The following E2F6 variants were observed in gnomAD, a reference collection of about 807,000 sequenced individuals.
E2F6 encodes transcription factor E2F6.
Under a neutral mutation model 31.5 loss-of-function variants are expected in E2F6, and 19 were observed. That is an observed-to-expected ratio of 0.60 (90% CI 0.42 to 0.89). E2F6 has a LOEUF of 0.89. Among genes scored for constraint, E2F6 ranks in the 40% least tolerant of loss-of-function variants. The pLI is 0.00. For synonymous variants in E2F6, 121 were observed against 127.7 expected (o/e 0.95, Z 0.36); for missense variants, 269 against 341.6 (o/e 0.79, Z 1.67).
chr2:11,461,863 GCAAC>G (rs1454546000), intron 1 of E2F6, among the ~76,000 whole-genome samples: 1 of 152,178 alleles, frequency 6.6e-6, no homozygotes, highest in African/African-American at 2.4e-5. Context: ...GACAATAGGA[GCAAC>G]CAACCAATGT....
intron 1 of E2F6, among the ~76,000 whole-genome samples, chr2:11,460,053 C>A (rs958712556): frequency 9.2e-5 from 14 of 152,040 alleles, no homozygotes; most frequent in African/African-American, 3.4e-4. Context: ...CATATTTTTT[C>A]AAATTCCAAG....
chr2:11,453,579 C>G lies in E2F6; in HGVS notation c.380+3G>C. On this transcript the variant is annotated splice_donor_region_variant and intron_variant, in intron 3 of 6. Transcript: ENST00000381525. The stretch of plus-strand genomic sequence containing the variant: ...GCCACGAAAAAGTTTGAAAGCAACT[C>G]ACATCCATCTAATATGGTTCTTGGA... The G allele has an allele frequency of 6.2e-7, 1 of 1,613,312 alleles. No individual in the cohort carries two copies. Among genetic ancestry groups the G allele is most frequent in the Non-Finnish European group, 8.5e-7 (1 of 1,179,658 alleles).
chr2:11,461,319 T>C (rs919487524), intron 1 of E2F6, among the ~76,000 whole-genome samples: 3 of 152,186 alleles, frequency 2.0e-5, no homozygotes, highest in Non-Finnish European at 4.4e-5. Flanking sequence ...GTAGATGCTC[T>C]GTGAGGCTAA....
At chr2:11,465,565 A>G (rs1374489842) in intron 1 of E2F6, among the ~76,000 whole-genome samples, 4 of 152,242 alleles carry the variant, frequency 2.6e-5, no homozygotes, top group Non-Finnish European at 5.9e-5. Flanking sequence ...GTTCCGATGT[A>G]AAAGCCTAGA....
At chr2:11,459,609 G>A (rs1482299185) in intron 1 of E2F6, among the ~76,000 whole-genome samples, 1 of 152,130 alleles carries the variant, frequency 6.6e-6, no homozygotes, top group African/African-American at 2.4e-5. Flanking sequence ...TCCAGGCGCG[G>A]TGGCTCATGC....
chr2:11,449,380 G>A (rs1178973616), intron 5 of E2F6, among the ~76,000 whole-genome samples: 1 of 152,168 alleles, frequency 6.6e-6, no homozygotes, highest in Non-Finnish European at 1.5e-5. Context: ...GAGCACCGAT[G>A]GGTCTATCAA....
chr2:11,464,021 G>A (rs985219689), intron 1 of E2F6, among the ~76,000 whole-genome samples: 1 of 148,944 alleles, frequency 6.7e-6, no homozygotes. Context: ...AGGACAAGGA[G>A]AAGCCAGAGA....
chr2:11,458,353 T>C (rs1671543899), intron 1 of E2F6: 1 of 1,551,600 alleles, frequency 6.4e-7, no homozygotes, highest in African/African-American at 1.4e-5. Flanking sequence ...AATAAACAAC[T>C]GTGGGGAGAG....
intron 1 of E2F6, among the ~76,000 whole-genome samples, chr2:11,459,870 C>T (rs1036253351): frequency 6.8e-6 from 1 of 146,964 alleles, no homozygotes; most frequent in African/African-American, 2.4e-5. Flanking sequence ...GATGACGGTG[C>T]GAGACTCCGT....
At chr2:11,465,181 A>C (rs1222804929) in intron 1 of E2F6, among the ~76,000 whole-genome samples, 1 of 146,014 alleles carries the variant, frequency 6.8e-6, no homozygotes, top group Non-Finnish European at 1.5e-5. Flanking sequence ...TCAATCTCAA[A>C]AAAAAAAAAA....
At chr2:11,462,462 T>C (rs1216433782) in intron 1 of E2F6, among the ~76,000 whole-genome samples, 2 of 152,248 alleles carry the variant, frequency 1.3e-5, no homozygotes, top group African/African-American at 4.8e-5. Context: ...TCTCAAAATA[T>C]CTTATACTGT....
Position 11,466,134 on chromosome 2 carries a change from C to T in E2F6, c.-255G>A, listed in dbSNP as rs908083721. ...CCCGCGGATCTCAAGTCGCCCGGCCCGCCATCTTCCCGCATGCGCAGTACA... is the reference window on the plus strand; with the variant it reads ...CCCGCGGATCTCAAGTCGCCCGGCCTGCCATCTTCCCGCATGCGCAGTACA... On this transcript the variant is annotated 5_prime_UTR_variant, in exon 1 of 7. Coordinates refer to ENST00000381525, the MANE Select transcript of E2F6 (RefSeq NM_198256.4). 8.7e-6 allele frequency: 4 copies of T among 459,428 alleles called. No homozygotes were observed. Among genetic ancestry groups the T allele is most frequent in the South Asian group, 3.1e-5 (1 of 31,890 alleles). The allele number at this position is 459,428 out of a possible 1,614,324, so 28.5% of individuals were successfully genotyped here.
At position 11,449,992 on chromosome 2, in the gene E2F6, A is replaced by T. The variant is rs935102017; in HGVS notation, c.651+20T>A. ...CCCTCATCCCTCTTTAAATCTTTTT[A>T]AAAATGCAGGGTTACCTACTTCTCT... On this transcript the variant is annotated intron_variant, in intron 5 of 6. Coordinates refer to ENST00000381525, the MANE Select transcript of E2F6 (RefSeq NM_198256.4). The T allele has an allele frequency of 1.3e-6, 2 of 1,583,620 alleles. No individual in the cohort carries two copies. The highest frequency in any genetic ancestry group is 1.7e-6 in the Non-Finnish European group (2 of 1,155,526).
At chr2:11,457,355 G>A in intron 1 of E2F6, 122 bp from the exon 2 acceptor site, 1 of 658,808 alleles carries the variant, frequency 1.5e-6, no homozygotes, top group Admixed American at 2.7e-5. Context: ...GCTGGGCAGA[G>A]GCTCACGCCT....
chr2:11,466,100 G>A lies in E2F6; in HGVS notation c.-221C>T. 4.0e-6 allele frequency: 2 copies of A among 502,456 alleles called. No homozygotes were observed. Among genetic ancestry groups the A allele is most frequent in the South Asian group, 2.8e-5 (1 of 35,406 alleles). 31.1% of individuals were successfully genotyped at this position (502,456 alleles called of 1,614,324 possible). ...AGCTCCCGACGCAGACGGAAAAAGAGGAGGGAGACCCGCGGATCTCAAGTC... is the reference window on the plus strand; with the variant it reads ...AGCTCCCGACGCAGACGGAAAAAGAAGAGGGAGACCCGCGGATCTCAAGTC... On this transcript the variant is annotated 5_prime_UTR_variant, in exon 1 of 7. Coordinates refer to ENST00000381525, the MANE Select transcript of E2F6 (RefSeq NM_198256.4).
In E2F6 at chr2:11,456,012, G is replaced by C. The variant is rs73917204; in HGVS notation, c.163+1167C>G. On this transcript the variant is annotated intron_variant, in intron 2 of 6. Coordinates refer to ENST00000381525, the MANE Select transcript of E2F6 (RefSeq NM_198256.4). ...GACAAAGCAGACTTAGAGAACCTGGGGTGCTTTGGGGATCACAGGTGGTGT... is the reference window on the plus strand; with the variant it reads ...GACAAAGCAGACTTAGAGAACCTGGCGTGCTTTGGGGATCACAGGTGGTGT... Among the ~76,000 whole-genome samples the C allele has an allele frequency of 9.7e-3, 1,483 of 152,262 alleles. 23 individuals carry two copies. The highest frequency in any genetic ancestry group is 0.034 in the African/African-American group (1,395 of 41,534).
intron 1 of E2F6, among the ~76,000 whole-genome samples, chr2:11,459,066 G>A (rs556173340): frequency 3.9e-5 from 6 of 151,910 alleles, no homozygotes; most frequent in Non-Finnish European, 8.8e-5. Context: ...AGTATGAGAC[G>A]GGCCAGCTAC....
At chr2:11,459,627 C>T (rs910790234) in intron 1 of E2F6, among the ~76,000 whole-genome samples, 32 of 152,012 alleles carry the variant, frequency 2.1e-4, no homozygotes, top group Non-Finnish European at 1.0e-4. Flanking sequence ...TGCCTGTAAT[C>T]CCAGGACTTT....
Position 11,453,671 on chromosome 2 carries a change from TC to T in E2F6, c.290del (p.Gly97GlufsTer14). 6.2e-7 allele frequency: 1 copy of T among 1,614,214 alleles called. No homozygotes were observed. Among genetic ancestry groups the T allele is most frequent in the Non-Finnish European group, 8.5e-7 (1 of 1,180,042 alleles). ...TGTCATACACTCTCCGCTTTCGGAC[TC>T]CCAGTTTCGTTGCAACCTTGTTTAA... The part of the protein sequence containing the change: ...LDLNKVATKL[G>X]VRKRRVYDIT... On this transcript the variant is annotated frameshift_variant, in exon 3 of 7. Transcript: ENST00000381525. LOFTEE classifies it high-confidence loss of function.
Sources: gnomAD v4.1 joint callset for allele counts (sites outside exome capture counted in the v4.1 genomes callset) on GRCh38, gnomAD v4.1.1 for gene constraint, MANE v1.5 for transcripts, NCBI Gene and HGNC (gene_info 2026-07-23, HGNC 2026-07-21) for gene names.